SYNPO2: variants seen among roughly 807,000 people sequenced by gnomAD.
SYNPO2 encodes the protein synaptopodin-2.
A neutral mutation model predicts 85.0 loss-of-function variants in SYNPO2; 56 were observed. That is an observed-to-expected ratio of 0.66 (90% CI 0.53 to 0.82). SYNPO2 has a LOEUF of 0.82. SYNPO2 is among the 40% of genes least tolerant of loss of function. The pLI, the probability that SYNPO2 is intolerant of heterozygous loss-of-function variation, is 0.00. For synonymous variants in SYNPO2, 602 were observed against 591.1 expected (o/e 1.02, Z -0.27); for missense variants, 1,575 against 1,534.2 (o/e 1.03, Z -0.44).
chr4:118,863,501 A>C (rs1055197399), intron 1 of SYNPO2, among the ~76,000 whole-genome samples: 1 of 151,948 alleles, frequency 6.6e-6, no homozygotes, highest in Admixed American at 6.6e-5. Context: ...TCATTTGGTA[A>C]TGTCTCCTTT....
intron 1 of SYNPO2, among the ~76,000 whole-genome samples, chr4:118,978,619 C>T (rs185419799): frequency 6.0e-4 from 91 of 152,180 alleles, no homozygotes; most frequent in African/African-American, 1.6e-3. Flanking sequence ...TTTCCTGAAA[C>T]GGAAAAACAT....
chr4:118,902,347 A>G (rs936244702), intron 1 of SYNPO2, among the ~76,000 whole-genome samples: 1 of 152,192 alleles, frequency 6.6e-6, no homozygotes, highest in Non-Finnish European at 1.5e-5. Flanking sequence ...ATTTATAAAG[A>G]AAAAGAGGTT....
intron 4 of SYNPO2, among the ~76,000 whole-genome samples, chr4:119,045,010 G>A (rs757427628): frequency 1.3e-5 from 2 of 152,174 alleles, no homozygotes; most frequent in Non-Finnish European, 2.9e-5. Context: ...GAAGTTTTGG[G>A]AATGTTATTG....
At chr4:118,989,484 A>G (rs1215938692) in intron 1 of SYNPO2, among the ~76,000 whole-genome samples, 1 of 152,244 alleles carries the variant, frequency 6.6e-6, no homozygotes, top group Admixed American at 6.5e-5. Flanking sequence ...AGCAAGCCTG[A>G]GGGCATCTGA....
chr4:118,948,606 A>C (rs1734584593), intron 1 of SYNPO2, among the ~76,000 whole-genome samples: 1 of 152,148 alleles, frequency 6.6e-6, no homozygotes, highest in South Asian at 2.1e-4. Context: ...GGACCTCAGG[A>C]AGCTTTCAAA....
rs993166875 is a variant in SYNPO2, at chr4:118,962,881, T to C, written c.106-60549T>C. Among the ~76,000 whole-genome samples the C allele has an allele frequency of 6.6e-5, 10 of 152,304 alleles. No homozygotes were observed. In the East Asian group the frequency reaches 1.9e-3, roughly 29 times the overall value. The stretch of plus-strand genomic sequence containing the variant: ...TTGGCCTTGGGGAATGCAAACTGTC[T>C]GTAATGTTCAGAATCTGAGGGCAAG... On this transcript the variant is annotated intron_variant, in intron 1 of 4. Transcript: ENST00000307142.
At chr4:118,944,604 G>A (rs776686252) in intron 1 of SYNPO2, among the ~76,000 whole-genome samples, 2 of 151,862 alleles carry the variant, frequency 1.3e-5, no homozygotes, top group Non-Finnish European at 2.9e-5. Flanking sequence ...GGTTCAGGCC[G>A]TGTTTTACCA....
chr4:119,045,919 TTC>T (rs1738856975), intron 4 of SYNPO2, among the ~76,000 whole-genome samples: 1 of 152,198 alleles, frequency 6.6e-6, no homozygotes. Context: ...TAGTAGTTTT[TTC>T]TGTTAACAGA....
intron 1 of SYNPO2, among the ~76,000 whole-genome samples, chr4:118,894,866 G>A (rs1436757200): frequency 6.6e-6 from 1 of 151,566 alleles, no homozygotes; most frequent in East Asian, 1.9e-4. Flanking sequence ...AAAAGAAAGA[G>A]GAAGAATATA....
chr4:118,866,219 G>T lies in SYNPO2; in HGVS notation c.12+15279G>T, dbSNP rs541890077. ...TCATTATTTGTGGTGTGAGCCCATT[G>T]TGTGCATTGTAGGATGTTTAGCTGC... On this transcript the variant is annotated intron_variant, in intron 1 of 4. Coordinates refer to the SYNPO2 transcript ENST00000610556. Among the ~76,000 whole-genome samples the T allele has an allele frequency of 2.2e-4, 34 of 152,254 alleles. 1 individual carries two copies. In the South Asian group the frequency reaches 6.4e-3, roughly 29 times the overall value.
intron 1 of SYNPO2, among the ~76,000 whole-genome samples, chr4:118,939,015 C>T (rs550825956): frequency 1.3e-5 from 2 of 152,082 alleles, no homozygotes; most frequent in Non-Finnish European, 2.9e-5. Context: ...AAATGCTGCC[C>T]TGTGTAAAAG....
chr4:118,963,086 C>T (rs1735169908), intron 1 of SYNPO2, among the ~76,000 whole-genome samples: 1 of 152,128 alleles, frequency 6.6e-6, no homozygotes, highest in Non-Finnish European at 1.5e-5. Flanking sequence ...TGAGAGTGAA[C>T]TCAATTTGTA....
upstream of SYNPO2, among the ~76,000 whole-genome samples, chr4:118,884,254 CAT>C (rs556576462): frequency 6.6e-6 from 1 of 152,280 alleles, no homozygotes; most frequent in South Asian, 2.1e-4. Flanking sequence ...CCCAGAAAGA[CAT>C]ATAGAAGCAC....
intron 1 of SYNPO2, among the ~76,000 whole-genome samples, chr4:118,913,563 TTGTGTGTGTGTGTGTG>T (rs10686830): frequency 2.8e-4 from 41 of 147,386 alleles, no homozygotes; most frequent in Middle Eastern, 3.5e-3. Flanking sequence ...CATTTATTGT[TTGTGTGTGTGTGTGTG>T]TGTGTGTGTG....
intron 1 of SYNPO2, among the ~76,000 whole-genome samples, chr4:118,908,163 T>G (rs1381932166): frequency 3.9e-5 from 6 of 152,294 alleles, no homozygotes; most frequent in Non-Finnish European, 7.4e-5. Flanking sequence ...AATGTGGAGT[T>G]GCTTAGTATG....
At chr4:118,859,128 T>C (rs1731562963) in intron 1 of SYNPO2, among the ~76,000 whole-genome samples, 1 of 152,246 alleles carries the variant, frequency 6.6e-6, no homozygotes, top group Non-Finnish European at 1.5e-5. Context: ...TGTTAGATTC[T>C]TTATCCATGT....
At chr4:119,004,903 TTTA>T (rs1367428680) in intron 1 of SYNPO2, among the ~76,000 whole-genome samples, 32 of 152,120 alleles carry the variant, frequency 2.1e-4, no homozygotes, top group Middle Eastern at 6.8e-3. Context: ...TTCCTGACTT[TTTA>T]ATGATCACCA....
In SYNPO2 at chr4:119,031,580, G is replaced by A. The variant is rs751658754; in HGVS notation, c.2805G>A (p.Leu935=). The change falls in exon 4 of 5, where the codon CTG becomes CTA. Residue 935 remains leucine (L), a synonymous_variant. Coordinates refer to ENST00000307142, the MANE Select transcript of SYNPO2 (RefSeq NM_133477.3). ...YNPIHSPSYP[L]AALKSQPSAA... Reference sequence around the variant, plus strand: ...CTATCCACTCGCCGTCTTACCCACTGGCTGCTCTCAAGTCTCAGCCATCAG... The same window carrying A: ...CTATCCACTCGCCGTCTTACCCACTAGCTGCTCTCAAGTCTCAGCCATCAG... 2 of 1,614,118 alleles carry A rather than the reference G, an allele frequency of 1.2e-6. No homozygotes were observed. Among genetic ancestry groups the A allele is most frequent in the Non-Finnish European group, 1.7e-6 (2 of 1,180,020 alleles).
intron 1 of SYNPO2, among the ~76,000 whole-genome samples, chr4:118,958,531 G>T (rs577795075): frequency 6.6e-6 from 1 of 152,256 alleles, no homozygotes; most frequent in Admixed American, 6.5e-5. Context: ...GGATCTTGTG[G>T]TGGGTAGGTG....
Sources: allele counts gnomAD v4.1 joint callset (sites outside exome capture counted in the v4.1 genomes callset), GRCh38; gene constraint gnomAD v4.1.1; transcripts MANE v1.5; gene names NCBI Gene and HGNC (gene_info 2026-07-23, HGNC 2026-07-21).